MAPK6: variants seen among roughly 807,000 people sequenced by gnomAD.
MAPK6 encodes the protein ERK-3.
In MAPK6, 19 loss-of-function variants were observed where a neutral mutation model predicts 59.3. That is an observed-to-expected ratio of 0.32 (90% CI 0.22 to 0.47). The LOEUF is 0.47. Ranked by LOEUF, MAPK6 falls within the 20% of genes least tolerant of loss-of-function variation. The pLI is 1.00. For missense variants in MAPK6, 724 were observed against 847.9 expected, an observed-to-expected ratio of 0.85 and a Z score of 1.81; for synonymous variants, 316 against 290.3, an observed-to-expected ratio of 1.09 and a Z score of -0.90.
At chr15:52,012,973 T>G (rs2030095478) in intron 3 of MAPK6, among the ~76,000 whole-genome samples, 3 of 113,066 alleles carry the variant, frequency 2.7e-5, no homozygotes, top group Non-Finnish European at 3.4e-5. Flanking sequence ...GGCGACAGAG[T>G]GAGACTCCGC....
chr15:51,974,442 G>T (rs376914136), intron 1 of MAPK6, among the ~76,000 whole-genome samples: 4 of 151,140 alleles, frequency 2.6e-5, no homozygotes, highest in African/African-American at 9.7e-5. Flanking sequence ...GGATCACAAG[G>T]TCAGGAGATC....
chr15:51,998,504 C>CT (rs368179816), intron 2 of MAPK6, among the ~76,000 whole-genome samples: 15,740 of 128,464 alleles, frequency 0.12, 1,419 homozygotes, highest in East Asian at 0.43. Flanking sequence ...CGCACCTGGC[C>CT]TTTTTTTTTT....
chr15:52,041,967 C>G (rs2031435541), intron 1 of MAPK6, among the ~76,000 whole-genome samples: 1 of 152,236 alleles, frequency 6.6e-6, no homozygotes, highest in African/African-American at 2.4e-5. Context: ...GCCCAAGTCT[C>G]TCTTTACTCA....
intron 1 of MAPK6, among the ~76,000 whole-genome samples, chr15:52,032,030 G>A (rs1205518489): frequency 1.3e-5 from 2 of 151,086 alleles, no homozygotes; most frequent in Admixed American, 6.6e-5. Context: ...CCACCACCAC[G>A]TCTGGCTAAT....
chr15:52,051,788 C>T (rs565500971), intron 3 of MAPK6, among the ~76,000 whole-genome samples: 12 of 151,662 alleles, frequency 7.9e-5, no homozygotes, highest in Admixed American at 2.0e-4. Context: ...GCACGATAAT[C>T]GCTTGAACCT....
At chr15:52,052,131 T>C (rs1368971888) in intron 3 of MAPK6, among the ~76,000 whole-genome samples, 1 of 152,176 alleles carries the variant, frequency 6.6e-6, no homozygotes, top group East Asian at 1.9e-4. Context: ...TGTCAAAATA[T>C]GGGAGTGGTT....
intron 3 of MAPK6, among the ~76,000 whole-genome samples, chr15:52,012,433 C>T (rs952315444): frequency 3.9e-5 from 6 of 152,114 alleles, no homozygotes; most frequent in East Asian, 3.9e-4. Context: ...TATTTTGTTA[C>T]GTTTTTTTGG....
chr15:52,018,037 AT>A (rs397969306), upstream of MAPK6: 24 of 148,738 alleles, frequency 1.6e-4, 1 homozygote, highest in South Asian at 1.7e-3. Flanking sequence ...TTACTCTGTG[AT>A]TTTTTTTTTT....
chr15:52,055,220 C>A (rs186259757), intron 3 of MAPK6, among the ~76,000 whole-genome samples: 1 of 152,304 alleles, frequency 6.6e-6, no homozygotes, highest in African/African-American at 2.4e-5. Flanking sequence ...CCAGCCTGGG[C>A]AGCATAGTGA....
chr15:52,027,128 C>T (rs1423939734), intron 1 of MAPK6, among the ~76,000 whole-genome samples: 5 of 151,626 alleles, frequency 3.3e-5, no homozygotes, highest in African/African-American at 1.2e-4. Context: ...CCGAGGCGGG[C>T]GGATCACAAG....
chr15:52,037,444 C>G (rs954914858), intron 1 of MAPK6, among the ~76,000 whole-genome samples: 15 of 152,210 alleles, frequency 9.9e-5, no homozygotes, highest in South Asian at 4.1e-4. Context: ...CAAGGTCTTG[C>G]ATATCTTCAT....
chr15:52,038,841 C>A (rs953915610), intron 1 of MAPK6, among the ~76,000 whole-genome samples: 2 of 152,114 alleles, frequency 1.3e-5, no homozygotes, highest in Non-Finnish European at 2.9e-5. Context: ...TAGTATACAG[C>A]AATTTGAATA....
At chr15:52,005,203 G>C (rs1306043576) in intron 3 of MAPK6, among the ~76,000 whole-genome samples, 6 of 152,130 alleles carry the variant, frequency 3.9e-5, no homozygotes, top group African/African-American at 1.2e-4. Flanking sequence ...GCACTCAAAG[G>C]CTATCTGTTG....
In MAPK6 at chr15:52,064,648, T is replaced by G. The variant is rs765474727; in HGVS notation, c.1814T>G (p.Phe605Cys). The change falls in exon 6 of 6, where the codon TTT becomes TGT. Residue 605 changes from phenylalanine (F) to cysteine (C), a missense_variant. Transcript: ENST00000261845. The stretch of plus-strand genomic sequence containing the variant: ...TTTGTGAGTGGTGGGGAGGACTGTT[T>G]TTTCATAAATCAGTTTTGTGAGGTA... ...SQFVSGGEDCFFINQFCEVRK... is the reference protein window; with the variant it reads ...SQFVSGGEDCCFINQFCEVRK... 1.9e-6 allele frequency: 3 copies of G among 1,611,800 alleles called. No individual in the cohort carries two copies. Among genetic ancestry groups the G allele is most frequent in the Non-Finnish European group, 2.5e-6 (3 of 1,179,750 alleles).
intron 1 of MAPK6, among the ~76,000 whole-genome samples, chr15:52,023,317 G>A (rs2141853064): frequency 6.6e-6 from 1 of 152,214 alleles, no homozygotes; most frequent in African/African-American, 2.4e-5. Flanking sequence ...TGGCATTGTT[G>A]GCTGCCTTCA....
At chr15:52,001,160 T>C (rs1407909610) in intron 2 of MAPK6, among the ~76,000 whole-genome samples, 1 of 152,216 alleles carries the variant, frequency 6.6e-6, no homozygotes, top group Admixed American at 6.5e-5. Context: ...TTCAGCCTCT[T>C]GCCTTCCACT....
intron 2 of MAPK6, among the ~76,000 whole-genome samples, chr15:51,997,911 TTTTCTTTCTTTCTCTTTC>T (rs1231000776): frequency 6.9e-6 from 1 of 145,016 alleles, no homozygotes; most frequent in Admixed American, 6.8e-5. Context: ...ATTTTCTTTC[TTTTCTTTCTTTCTCTTTC>T]TTTCTTTCTT....
Position 51,978,784 on chromosome 15 carries a change from C to G in MAPK6, c.-879-4422C>G, listed in dbSNP as rs1468180454. On this transcript the variant is annotated intron_variant, in intron 1 of 7. Coordinates refer to the MAPK6 transcript ENST00000691380. Reference sequence around the variant, plus strand: ...AACTTATTCCATTTTCACAACAACCCTATAACATAGATTACATTACATTCC... The same window carrying G: ...AACTTATTCCATTTTCACAACAACCGTATAACATAGATTACATTACATTCC... Among the ~76,000 whole-genome samples the G allele has an allele frequency of 2.0e-5, 3 of 151,706 alleles. 1 individual carries two copies. Among genetic ancestry groups the G allele is most frequent in the Admixed American group, 6.6e-5 (1 of 15,232 alleles).
intron 4 of MAPK6, among the ~76,000 whole-genome samples, chr15:52,059,196 T>C (rs537014408): frequency 1.6e-3 from 240 of 152,346 alleles, no homozygotes; most frequent in Non-Finnish European, 1.7e-3. Flanking sequence ...TTTGAGTCTG[T>C]CTGCACAAAT....
Sources: gnomAD v4.1 joint callset for allele counts (sites outside exome capture counted in the v4.1 genomes callset) on GRCh38, gnomAD v4.1.1 for gene constraint, MANE v1.5 for transcripts, NCBI Gene and HGNC (gene_info 2026-07-23, HGNC 2026-07-21) for gene names.